The following CFAP97D2 variants were observed in gnomAD, a reference collection of about 807,000 sequenced individuals.
CFAP97D2 encodes CFAP97 domain containing 2, also known as uncharacterized protein CFAP97D2.
In CFAP97D2 at chr13:114,185,195, C is replaced by T. The variant is rs560496204; in HGVS notation, c.90+5775C>T. ...ACTGCAGACTCTGGCCCCGTGTCACCGCTCTTGCCTGCTGATGCAGGGAGG... is the reference window on the plus strand; with the variant it reads ...ACTGCAGACTCTGGCCCCGTGTCACTGCTCTTGCCTGCTGATGCAGGGAGG... On this transcript the variant is annotated intron_variant, in intron 1 of 4. Coordinates refer to ENST00000646158, the Ensembl canonical transcript of CFAP97D2. This position sits in a 1 kb window ranked among gnomAD's most constrained non-coding sequence, Gnocchi z 5.2. Among the ~76,000 whole-genome samples, 6 of 152,336 alleles carry T rather than the reference C, an allele frequency of 3.9e-5. No homozygotes were observed. In the South Asian group the frequency reaches 6.2e-4, roughly 16 times the overall value.
intron 1 of CFAP97D2, among the ~76,000 whole-genome samples, chr13:114,182,491 C>T (rs112048834): frequency 6.7e-5 from 10 of 148,900 alleles, no homozygotes; most frequent in South Asian, 4.4e-4. Context: ...GACCCTTTAC[C>T]GGTGTCGGGC....
At chr13:114,191,339 T>G (rs1239510817) in intron 1 of CFAP97D2, among the ~76,000 whole-genome samples, 1 of 152,194 alleles carries the variant, frequency 6.6e-6, no homozygotes, top group Non-Finnish European at 1.5e-5. Context: ...GAGACATCTA[T>G]AGACTGGGAG....
rs943886219 is a variant in CFAP97D2, at chr13:114,186,165, T to C, written c.90+6745T>C. ...GACTAGCTGCAGGGAGGAGCTACCC[T>C]CTCTGCTGAGAGCTGAAGAAAGGAC... On this transcript the variant is annotated intron_variant, in intron 1 of 4. Transcript: ENST00000646158. This position sits in a 1 kb window ranked among gnomAD's most constrained non-coding sequence, Gnocchi z 4.3. Among the ~76,000 whole-genome samples, 2 of 152,080 alleles carry C rather than the reference T, an allele frequency of 1.3e-5. No individual in the cohort carries two copies. The highest frequency in any genetic ancestry group is 6.5e-5 in the Admixed American group (1 of 15,270).
chr13:114,181,822 T>C (rs2080833353), intron 1 of CFAP97D2, among the ~76,000 whole-genome samples: 1 of 151,962 alleles, frequency 6.6e-6, no homozygotes, highest in Non-Finnish European at 1.5e-5. Flanking sequence ...GGCCTCATCC[T>C]CAGCCCAGCC....
chr13:114,185,657 G>T lies in CFAP97D2; in HGVS notation c.90+6237G>T, dbSNP rs1008432070. ...TCTCCCCACTGTTGGCACCAGCTCC[G>T]ATCTTGGAGAAAAGTTGGGGCCAAG... On this transcript the variant is annotated intron_variant, in intron 1 of 4. Transcript: ENST00000646158. The surrounding 1 kb of genome is among the most constrained non-coding windows in gnomAD (Gnocchi z 5.2). Among the ~76,000 whole-genome samples the T allele has an allele frequency of 6.6e-6, 1 of 152,222 alleles. No homozygotes were observed. The highest frequency in any genetic ancestry group is 1.5e-5 in the Non-Finnish European group (1 of 68,028).
At chr13:114,220,463 A>G (rs762092931) in intron 4 of CFAP97D2, among the ~76,000 whole-genome samples, 12 of 152,174 alleles carry the variant, frequency 7.9e-5, no homozygotes, top group Non-Finnish European at 1.6e-4. Flanking sequence ...TTTCTCAAAC[A>G]TTTTAAAGGA....
chr13:114,210,992 C>A (rs999182017), intron 3 of CFAP97D2, among the ~76,000 whole-genome samples: 2 of 152,148 alleles, frequency 1.3e-5, no homozygotes, highest in African/African-American at 4.8e-5. Context: ...GAAATATGCA[C>A]AGGACAGTGC....
chr13:114,182,729 T>G (rs1234759848), intron 1 of CFAP97D2, among the ~76,000 whole-genome samples: 2 of 152,226 alleles, frequency 1.3e-5, no homozygotes, highest in East Asian at 3.8e-4. Flanking sequence ...CTAGATCCCT[T>G]AAACCTTGAT....
chr13:114,179,476 C>G lies in CFAP97D2; in HGVS notation c.90+56C>G. 2 of 398,488 alleles carry G rather than the reference C, an allele frequency of 5.0e-6. No individual in the cohort carries two copies. Among genetic ancestry groups the G allele is most frequent in the Non-Finnish European group, 8.8e-6 (2 of 226,012 alleles). The allele number at this position is 398,488 out of a possible 1,614,324, so 24.7% of individuals were successfully genotyped here. ...CTCAGCGGGCGGGCACCAAGCAGCGCCCACGAAATGCCTCTGCTTTCCCTG... is the reference window on the plus strand; with the variant it reads ...CTCAGCGGGCGGGCACCAAGCAGCGGCCACGAAATGCCTCTGCTTTCCCTG... On this transcript the variant is annotated intron_variant, in intron 1 of 4. Transcript: ENST00000646158. This position sits in a 1 kb window ranked among gnomAD's most constrained non-coding sequence, Gnocchi z 4.8.
chr13:114,189,632 G>T lies in CFAP97D2; in HGVS notation c.91-6764G>T, dbSNP rs2080862455. Among the ~76,000 whole-genome samples, 1 of 152,176 alleles carries T rather than the reference G, an allele frequency of 6.6e-6. No individual in the cohort carries two copies. On this transcript the variant is annotated intron_variant, in intron 1 of 4. Coordinates refer to ENST00000646158, the Ensembl canonical transcript of CFAP97D2. The surrounding 1 kb of genome is among the most constrained non-coding windows in gnomAD (Gnocchi z 4.5). ...AAAAAGTATTATATGCCATGACCAA[G>T]TGGGATTCATTCCAGGTATGCAAGG...
At chr13:114,205,486 C>T (rs1410657203) in intron 3 of CFAP97D2, among the ~76,000 whole-genome samples, 2 of 152,186 alleles carry the variant, frequency 1.3e-5, no homozygotes, top group Admixed American at 1.3e-4. Context: ...TATGCAAGAT[C>T]ATATCATCTG....
intron 1 of CFAP97D2, among the ~76,000 whole-genome samples, chr13:114,183,810 G>A (rs180989052): frequency 4.6e-5 from 7 of 152,248 alleles, no homozygotes; most frequent in South Asian, 2.1e-4. Context: ...GTTTCCACAC[G>A]AACAATGGAG....
intron 4 of CFAP97D2, among the ~76,000 whole-genome samples, chr13:114,214,609 T>C (rs2080985409): frequency 6.9e-6 from 1 of 145,982 alleles, no homozygotes; most frequent in Non-Finnish European, 1.5e-5. Context: ...TTTGTTGAGA[T>C]GGAGTCTCAC....
rs547428696 is a variant in CFAP97D2 at position 114,182,416 on chromosome 13, G to C, written c.90+2996G>C. 1.5e-4 allele frequency among the ~76,000 whole-genome samples: 23 copies of C among 152,066 alleles called. No homozygotes were observed. In the East Asian group the frequency reaches 1.7e-3, roughly 12 times the overall value. On this transcript the variant is annotated intron_variant, in intron 1 of 4. Transcript: ENST00000646158. ...ATTCAGTTCCCAGGGGCAGGCAGGA[G>C]ACAGTGGCCTTCCTCTATCTCAACT...
intron 1 of CFAP97D2, among the ~76,000 whole-genome samples, chr13:114,182,347 A>T (rs943593109): frequency 2.0e-5 from 3 of 152,114 alleles, no homozygotes; most frequent in Non-Finnish European, 4.4e-5. Context: ...TTTTTCTCCT[A>T]TCTCAGAATT....
intron 3 of CFAP97D2, among the ~76,000 whole-genome samples, chr13:114,206,539 A>T (rs1018519656): frequency 6.6e-6 from 1 of 152,234 alleles, no homozygotes; most frequent in Non-Finnish European, 1.5e-5. Flanking sequence ...ACATGGATGA[A>T]CTTTGAAAAC....
intron 4 of CFAP97D2, among the ~76,000 whole-genome samples, chr13:114,219,180 T>G (rs1365808353): frequency 2.0e-5 from 3 of 152,124 alleles, no homozygotes; most frequent in Non-Finnish European, 2.9e-5. Context: ...CAAATTTACA[T>G]CATTTTATTT....
rs1594521412 is a variant in CFAP97D2, at chr13:114,211,658, G to A, written c.291-254G>A. ...AGACTTCCCCGCTGTGCCCCATTGT[G>A]CTCACCCTGAAAACGCCCCTCCCGC... is the stretch of plus-strand genomic sequence containing the variant. On this transcript the variant is annotated intron_variant, in intron 3 of 4. Transcript: ENST00000646158. The surrounding 1 kb of genome is among the most constrained non-coding windows in gnomAD (Gnocchi z 4.2). Among the ~76,000 whole-genome samples, 1 of 152,188 alleles carries A rather than the reference G, an allele frequency of 6.6e-6. No individual in the cohort carries two copies.
In CFAP97D2 at chr13:114,211,228, C is replaced by T. The variant is rs549720738; in HGVS notation, c.291-684C>T. ...CCGCAGCCCCCCATGGCTCCCTCTCCATCCAATGCAGCCTCCTGAACAGGT... is the reference window on the plus strand; with the variant it reads ...CCGCAGCCCCCCATGGCTCCCTCTCTATCCAATGCAGCCTCCTGAACAGGT... On this transcript the variant is annotated intron_variant, in intron 3 of 4. Transcript: ENST00000646158. This position sits in a 1 kb window ranked among gnomAD's most constrained non-coding sequence, Gnocchi z 4.2. Among the ~76,000 whole-genome samples the T allele has an allele frequency of 6.6e-6, 1 of 152,318 alleles. No individual in the cohort carries two copies. Among genetic ancestry groups the T allele is most frequent in the East Asian group, 1.9e-4 (1 of 5,162 alleles).
Sources: allele counts gnomAD v4.1 joint callset (sites outside exome capture counted in the v4.1 genomes callset), GRCh38; gene constraint gnomAD v4.1.1; non-coding constraint Gnocchi (gnomAD v3.1); transcripts MANE v1.5; gene names NCBI Gene and HGNC (gene_info 2026-07-23, HGNC 2026-07-21).